Variants in PCDHA6 observed in about 807,000 individuals in gnomAD.
PCDHA6 encodes protocadherin alpha-6.
PCDHA6 carries 55 observed loss-of-function variants against 60.3 expected under a neutral mutation model. The ratio of observed to expected loss-of-function variants is 0.91; its 90% CI spans 0.73 to 1.14. The LOEUF is 1.14. PCDHA6 is among the 50% of genes most tolerant of loss of function. The pLI is 0.00. For missense variants in PCDHA6, 1,327 were observed against 1,256.5 expected (o/e 1.06, Z -0.85); for synonymous variants, 652 against 557.9 (o/e 1.17, Z -2.38).
chr5:140,939,182 C>T (rs2092333864), intron 1 of PCDHA6, among the ~76,000 whole-genome samples: 1 of 152,146 alleles, frequency 6.6e-6, no homozygotes, highest in African/African-American at 2.4e-5. Context: ...GGCCCACTCC[C>T]TGGTTCATAA....
At chr5:140,881,988 C>A in intron 1 of PCDHA6, 1 of 434,968 alleles carries the variant, frequency 2.3e-6, no homozygotes, top group Non-Finnish European at 4.0e-6. Flanking sequence ...GTGAAAATGT[C>A]AGGAAATGCA....
Position 140,884,123 on chromosome 5 carries a change from C to T in PCDHA6, c.2394+53638C>T, listed in dbSNP as rs1360744073. 2.5e-6 allele frequency: 4 copies of T among 1,613,230 alleles called. No homozygotes were observed. The African/African-American group carries it at 4.0e-5, about 16-fold the overall frequency. ...ATTGCAGCTGGCGGCGGTCGGCGCGCGCATCCCGTTCCGCGTGGGGCTGTA... is the reference window on the plus strand; with the variant it reads ...ATTGCAGCTGGCGGCGGTCGGCGCGTGCATCCCGTTCCGCGTGGGGCTGTA... On this transcript the variant is annotated intron_variant, in intron 1 of 3. Coordinates refer to ENST00000529310, the MANE Select transcript of PCDHA6 (RefSeq NM_018909.4).
In PCDHA6 at chr5:140,884,521, G is replaced by A. The variant is rs569278761; in HGVS notation, c.2394+54036G>A. On this transcript the variant is annotated intron_variant, in intron 1 of 3. Transcript: ENST00000529310. ...GCGCGGCAGGGAGTTGGTCGTACTCGCAGCAGAGGCGGCCGAGGGTGTGCT... is the reference window on the plus strand; with the variant it reads ...GCGCGGCAGGGAGTTGGTCGTACTCACAGCAGAGGCGGCCGAGGGTGTGCT... 8.1e-6 allele frequency: 13 copies of A among 1,614,196 alleles called. No homozygotes were observed. In the East Asian group the frequency reaches 2.0e-4, roughly 25 times the overall value.
intron 1 of PCDHA6, chr5:140,876,137 T>G (rs782331817): frequency 1.2e-6 from 2 of 1,613,916 alleles, no homozygotes; most frequent in Non-Finnish European, 8.5e-7. Context: ...AAACCAGAAC[T>G]AACAGGGTCT....
chr5:140,982,427 G>C, intron 2 of PCDHA6, 48 bp from the exon 3 acceptor site: 1 of 1,612,412 alleles, frequency 6.2e-7, no homozygotes, highest in Non-Finnish European at 8.5e-7. Context: ...GAAGAGATGG[G>C]AAAGAATTTA....
At chr5:140,837,116 C>A (rs2150273189) in intron 1 of PCDHA6, 6 of 157,484 alleles carry the variant, frequency 3.8e-5, no homozygotes, top group Non-Finnish European at 8.4e-5. Context: ...TATATGTTAC[C>A]TAATATTTTA....
intron 1 of PCDHA6, among the ~76,000 whole-genome samples, chr5:140,838,927 A>G (rs2150156100): frequency 6.6e-6 from 1 of 152,088 alleles, no homozygotes; most frequent in African/African-American, 2.4e-5. Context: ...AAATAAAATA[A>G]AATGAAATAA....
chr5:140,959,085 G>A (rs1286885776), intron 1 of PCDHA6, among the ~76,000 whole-genome samples: 8 of 151,980 alleles, frequency 5.3e-5, no homozygotes, highest in African/African-American at 1.9e-4. Flanking sequence ...ATTATCCTTG[G>A]TTTCGGACAT....
intron 1 of PCDHA6, among the ~76,000 whole-genome samples, chr5:140,846,281 T>G (rs1780295705): frequency 6.7e-6 from 1 of 149,458 alleles, no homozygotes; most frequent in Non-Finnish European, 1.5e-5. Context: ...CAATTTATGT[T>G]GTAGTTCTAT....
intron 1 of PCDHA6, chr5:140,967,992 C>T: frequency 1.2e-6 from 2 of 1,614,250 alleles, no homozygotes; most frequent in Non-Finnish European, 1.7e-6. Flanking sequence ...GCCACACTGC[C>T]TTTCCGACTG....
In PCDHA6 at chr5:140,920,604, G is replaced by A. The variant is rs182788075; in HGVS notation, c.2395-58345G>A. 4.8e-4 allele frequency among the ~76,000 whole-genome samples: 73 copies of A among 152,238 alleles called. No homozygotes were observed. In the East Asian group the frequency reaches 0.011, roughly 22 times the overall value. On this transcript the variant is annotated intron_variant, in intron 1 of 3. Transcript: ENST00000529310. ...CTCACGCCTGTAATCCCAGCACTTT[G>A]GGAGGCCGAGGCGGATGGATCACAA...
chr5:140,836,692 T>C (rs1554136233), intron 1 of PCDHA6: 3 of 1,613,418 alleles, frequency 1.9e-6, no homozygotes, highest in Non-Finnish European at 2.5e-6. Flanking sequence ...ACAGACCTCA[T>C]GGCCTTCAGT....
At position 140,830,027 on chromosome 5, in the gene PCDHA6, C is replaced by T. The variant is rs2150179874; in HGVS notation, c.1936C>T (p.Arg646Trp). The T allele has an allele frequency of 6.8e-6, 11 of 1,613,766 alleles. No homozygotes were observed. Among genetic ancestry groups the T allele is most frequent in the Non-Finnish European group, 8.5e-6 (10 of 1,179,924 alleles). Reference sequence around the variant, plus strand: ...GGACGAAGCGGACTCTCCGCGCCACCGGCTGCTGGTGCTGGTGAAAGACCA... The same window carrying T: ...GGACGAAGCGGACTCTCCGCGCCACTGGCTGCTGGTGCTGGTGAAAGACCA... ...VLDEADSPRH[R>W]LLVLVKDHGE... The change falls in exon 1 of 4, where the codon CGG (arginine) becomes TGG (tryptophan). Residue 646 changes from arginine to tryptophan, a missense_variant. Arg to Trp is a moderately radical substitution (Grantham distance 101). Transcript: ENST00000529310.
At chr5:140,877,910 T>A in intron 1 of PCDHA6, 2 of 1,431,310 alleles carry the variant, frequency 1.4e-6, no homozygotes, top group African/African-American at 2.9e-5. Flanking sequence ...AACTACATTC[T>A]CTCATTTTTC....
At chr5:140,927,400 C>G (rs782428365) in intron 1 of PCDHA6, 11 of 1,614,126 alleles carry the variant, frequency 6.8e-6, no homozygotes, top group Non-Finnish European at 8.5e-6. Flanking sequence ...TCAGCACTTT[C>G]GCCTGGACAT....
intron 1 of PCDHA6, chr5:140,870,974 G>A: frequency 1.2e-6 from 2 of 1,613,628 alleles, no homozygotes; most frequent in Middle Eastern, 1.7e-4. Flanking sequence ...TTCCGCGTGG[G>A]GCTGTACACG....
intron 1 of PCDHA6, chr5:140,850,397 G>A: frequency 1.3e-6 from 2 of 1,597,954 alleles, no homozygotes; most frequent in Non-Finnish European, 1.7e-6. Context: ...TCAGCACAAC[G>A]CGTGCCCTGG....
At chr5:140,967,091 G>A (rs782261207) in intron 1 of PCDHA6, 1 of 1,613,196 alleles carries the variant, frequency 6.2e-7, no homozygotes. Context: ...TGATCGGGAG[G>A]CGCTGTGTGA....
chr5:140,849,660 C>G (rs2041023883), intron 1 of PCDHA6: 1 of 1,598,636 alleles, frequency 6.3e-7, no homozygotes, highest in Admixed American at 1.7e-5. Context: ...TACCTGCTCC[C>G]TGACGCCCCA....
Sources: allele counts gnomAD v4.1 joint callset (sites outside exome capture counted in the v4.1 genomes callset), GRCh38; gene constraint gnomAD v4.1.1; transcripts MANE v1.5; gene names NCBI Gene and HGNC (gene_info 2026-07-23, HGNC 2026-07-21).